PDE4D: variants seen among roughly 807,000 people sequenced by gnomAD.
PDE4D encodes the protein 3',5'-cyclic-AMP phosphodiesterase 4D.
PDE4D carries 24 observed loss-of-function variants against 87.4 expected under a neutral mutation model. The ratio of observed to expected loss-of-function variants is 0.27; its 90% confidence interval spans 0.20 to 0.39. The LOEUF (loss-of-function observed/expected upper bound fraction) is 0.39. Among genes scored for constraint, PDE4D ranks in the 10% least tolerant of loss-of-function variants. The pLI, the probability that PDE4D is intolerant of heterozygous loss-of-function variation, is 1.00. For synonymous variants in PDE4D, 384 were observed against 383.2 expected, an observed-to-expected ratio of 1.00 and a Z score of -0.02; for missense variants, 714 against 1,041.0, an observed-to-expected ratio of 0.69 and a Z score of 4.32.
chr5:60,224,402 C>T (rs1045672639), intron 1 of PDE4D, among the ~76,000 whole-genome samples: 1 of 152,046 alleles, frequency 6.6e-6, no homozygotes, highest in Non-Finnish European at 1.5e-5. Context: ...AATGTTCATG[C>T]CCCACGGGTC....
intron 1 of PDE4D, among the ~76,000 whole-genome samples, chr5:59,850,087 A>G (rs1028154463): frequency 1.3e-5 from 2 of 152,022 alleles, no homozygotes; most frequent in Non-Finnish European, 2.9e-5. Context: ...TGACATATCC[A>G]AACTTCCTTT....
intron 11 of PDE4D, 82 bp from the exon 12 acceptor site, chr5:58,977,427 T>G: frequency 7.5e-7 from 1 of 1,333,756 alleles, no homozygotes; most frequent in Non-Finnish European, 1.0e-6. Flanking sequence ...GGATTTAGGA[T>G]GTAATTTCCC....
At chr5:59,568,106 T>A (rs930066692) in intron 1 of PDE4D, among the ~76,000 whole-genome samples, 2 of 152,154 alleles carry the variant, frequency 1.3e-5, no homozygotes, top group Admixed American at 1.3e-4. Flanking sequence ...GGAGTTATAT[T>A]GTTGATAAGC....
chr5:60,494,874 G>A (rs1749729903), intron 1 of PDE4D, among the ~76,000 whole-genome samples: 1 of 152,142 alleles, frequency 6.6e-6, no homozygotes, highest in African/African-American at 2.4e-5. Flanking sequence ...AATCACACCT[G>A]CATATCAGCT....
chr5:59,222,255 AT>A (rs1191671380), intron 1 of PDE4D, among the ~76,000 whole-genome samples: 1 of 152,146 alleles, frequency 6.6e-6, no homozygotes, highest in Non-Finnish European at 1.5e-5. Context: ...TGACCTTGTA[AT>A]TGTTTGTCTG....
chr5:60,354,268 TACA>T (rs144240282), intron 1 of PDE4D, among the ~76,000 whole-genome samples: 1 of 152,326 alleles, frequency 6.6e-6, no homozygotes, highest in East Asian at 1.9e-4. Flanking sequence ...AAGTAGCAGA[TACA>T]GAAATAGTGC....
chr5:59,223,382 T>C (rs1752988573), intron 1 of PDE4D, among the ~76,000 whole-genome samples: 1 of 152,074 alleles, frequency 6.6e-6, no homozygotes, highest in Admixed American at 6.5e-5. Context: ...CAGGTCACAA[T>C]TATACTGATG....
chr5:59,842,167 G>A (rs1434687487), intron 1 of PDE4D, among the ~76,000 whole-genome samples: 1 of 151,978 alleles, frequency 6.6e-6, no homozygotes, highest in African/African-American at 2.4e-5. Context: ...TGAAAGTCAG[G>A]GAGGTGAGTT....
At chr5:60,432,010 G>A (rs550703740) in intron 1 of PDE4D, among the ~76,000 whole-genome samples, 7 of 152,300 alleles carry the variant, frequency 4.6e-5, no homozygotes, top group South Asian at 4.1e-4. Context: ...GCAGTGAGCC[G>A]AGGTGGCAGC....
At chr5:60,106,739 A>C (rs1034507842) in intron 2 of PDE4D, among the ~76,000 whole-genome samples, 4 of 152,194 alleles carry the variant, frequency 2.6e-5, no homozygotes, top group African/African-American at 9.7e-5. Context: ...GAAACTGAAC[A>C]ACCTGCTCCT....
At chr5:59,424,388 G>A (rs1348664779) in intron 1 of PDE4D, among the ~76,000 whole-genome samples, 1 of 152,088 alleles carries the variant, frequency 6.6e-6, no homozygotes, top group Non-Finnish European at 1.5e-5. Flanking sequence ...TTCATAAAAC[G>A]TGTTCTTTGC....
intron 3 of PDE4D, among the ~76,000 whole-genome samples, chr5:59,973,325 C>T (rs1760979568): frequency 6.6e-6 from 1 of 152,028 alleles, no homozygotes; most frequent in Non-Finnish European, 1.5e-5. Flanking sequence ...CATTGTTTTC[C>T]AGTTCTCAGC....
At chr5:59,017,276 A>C (rs1229354184) in intron 6 of PDE4D, among the ~76,000 whole-genome samples, 1 of 152,212 alleles carries the variant, frequency 6.6e-6, no homozygotes, top group Non-Finnish European at 1.5e-5. Flanking sequence ...GATAGTTTGT[A>C]AAAGTGCTTG....
At chr5:59,627,631 T>A (rs1256155481) in intron 1 of PDE4D, among the ~76,000 whole-genome samples, 1 of 152,218 alleles carries the variant, frequency 6.6e-6, no homozygotes, top group Non-Finnish European at 1.5e-5. Context: ...GTATGTGCTA[T>A]ACTTCAAGGC....
chr5:59,837,780 G>C (rs1485060145), intron 1 of PDE4D, among the ~76,000 whole-genome samples: 1 of 151,962 alleles, frequency 6.6e-6, no homozygotes, highest in African/African-American at 2.4e-5. Context: ...ATGCAGTTGT[G>C]GCAAGAATAA....
chr5:59,479,648 T>A (rs564826712), intron 1 of PDE4D, among the ~76,000 whole-genome samples: 12 of 152,202 alleles, frequency 7.9e-5, no homozygotes, highest in African/African-American at 2.9e-4. Flanking sequence ...TCATCACATG[T>A]AGTAAGAGTA....
chr5:59,722,008 T>G (rs1175589763), intron 1 of PDE4D, among the ~76,000 whole-genome samples: 2 of 152,180 alleles, frequency 1.3e-5, no homozygotes, highest in Non-Finnish European at 2.9e-5. Flanking sequence ...GTGTGCATCT[T>G]GAATATTACC....
Position 60,141,500 on chromosome 5 carries a change from T to C in PDE4D, c.42+44057A>G, listed in dbSNP as rs1460378086. Among the ~76,000 whole-genome samples, 5 of 152,146 alleles carry C rather than the reference T, an allele frequency of 3.3e-5. No homozygotes were observed. In the East Asian group the frequency reaches 9.6e-4, roughly 29 times the overall value. ...TGGCTCTTGAAGGATTATAGACTTG[T>C]TCCAATCCTTAGGTTGCAGCCACAG... On this transcript the variant is annotated intron_variant, in intron 2 of 16. Coordinates refer to the PDE4D transcript ENST00000502484.
chr5:60,008,191 A>G (rs986960701), intron 2 of PDE4D, among the ~76,000 whole-genome samples: 1 of 151,696 alleles, frequency 6.6e-6, no homozygotes, highest in Non-Finnish European at 1.5e-5. Context: ...TATCTCTCCA[A>G]CCCCAACCTT....
Sources: gnomAD v4.1 joint callset for allele counts (sites outside exome capture counted in the v4.1 genomes callset) on GRCh38, gnomAD v4.1.1 for gene constraint, MANE v1.5 for transcripts, NCBI Gene and HGNC (gene_info 2026-07-23, HGNC 2026-07-21) for gene names.